SULF1: variants seen among roughly 807,000 people sequenced by gnomAD.
SULF1 encodes the protein extracellular sulfatase Sulf-1.
SULF1 carries 46 observed loss-of-function variants against 110.5 expected under a neutral mutation model. The observed-to-expected ratio is 0.42, with a 90% CI of 0.33 to 0.53. SULF1 has a LOEUF of 0.53. Among genes scored for constraint, SULF1 ranks in the 20% least tolerant of loss-of-function variants. The probability of loss-of-function intolerance (pLI) is 0.12; values close to 1 mark genes in which losing one functional copy is unlikely to be tolerated. For missense variants in SULF1, 941 were observed against 1,094.2 expected (o/e 0.86, Z 1.98); for synonymous variants, 371 against 387.1 (o/e 0.96, Z 0.49).
chr8:69,474,537 C>G (rs376894787), intron 1 of SULF1, among the ~76,000 whole-genome samples: 1 of 152,154 alleles, frequency 6.6e-6, no homozygotes, highest in Non-Finnish European at 1.5e-5. Context: ...AAAAGACAGG[C>G]CCCCTACAAA....
At chr8:69,482,510 T>C (rs1408063109) in intron 1 of SULF1, among the ~76,000 whole-genome samples, 2 of 152,038 alleles carry the variant, frequency 1.3e-5, no homozygotes, top group African/African-American at 4.8e-5. Flanking sequence ...AAGATCATGA[T>C]GTGTGCAGTT....
rs147223148 is a variant in SULF1 at position 69,621,196 on chromosome 8, C to T, written c.1539C>T (p.Ala513=). Residue 513 remains alanine (A), a synonymous_variant, in exon 14 of 23, where the codon GCC becomes GCT. Transcript: ENST00000402687. ...ECSCRESGYR[A]SRSQRKSQRQ... ...GTTGTAGGGAGTCTGGTTACCGTGC[C>T]AGCAGAAGCCAAAGAAAGAGTCAAC... 71 of 1,613,910 alleles carry T rather than the reference C, an allele frequency of 4.4e-5. No homozygotes were observed. The highest frequency in any genetic ancestry group is 3.3e-4 in the Middle Eastern group (2 of 6,082).
upstream of SULF1, among the ~76,000 whole-genome samples, chr8:69,492,264 G>C (rs1483928994): frequency 6.6e-6 from 1 of 151,872 alleles, no homozygotes; most frequent in Non-Finnish European, 1.5e-5. Context: ...GTGGACCCAG[G>C]CTCAGTGGAA....
At chr8:69,530,100 T>C (rs762000433) in intron 3 of SULF1, among the ~76,000 whole-genome samples, 4 of 152,192 alleles carry the variant, frequency 2.6e-5, no homozygotes, top group Non-Finnish European at 5.9e-5. Context: ...TCAGTTATAA[T>C]TGCAGTGGAC....
intron 5 of SULF1, among the ~76,000 whole-genome samples, chr8:69,572,057 C>G (rs1249202005): frequency 6.6e-6 from 1 of 152,196 alleles, no homozygotes; most frequent in Non-Finnish European, 1.5e-5. Context: ...CCACTGAGAC[C>G]ATTTCAGCCT....
At chr8:69,621,386 G>T in intron 14 of SULF1, 135 bp downstream of exon 14, 1 of 572,046 alleles carries the variant, frequency 1.7e-6, no homozygotes. Flanking sequence ...GCACATCATT[G>T]CTCTATTTAA....
intron 5 of SULF1, among the ~76,000 whole-genome samples, chr8:69,569,902 T>C (rs1274049500): frequency 7.2e-6 from 1 of 139,350 alleles, no homozygotes; most frequent in African/African-American, 2.6e-5. Context: ...GCCAATTCCA[T>C]AGTTTGGGTA....
chr8:69,609,131 C>T (rs1808447621), intron 13 of SULF1, among the ~76,000 whole-genome samples: 1 of 152,108 alleles, frequency 6.6e-6, no homozygotes, highest in Non-Finnish European at 1.5e-5. Flanking sequence ...TCTAAATCCC[C>T]TAAGCCCAGG....
intron 15 of SULF1, chr8:69,625,839 C>T (rs573233741): frequency 6.6e-6 from 1 of 152,592 alleles, no homozygotes; most frequent in African/African-American, 2.4e-5. Flanking sequence ...ATTCTCTTAT[C>T]TGGCCCCACC....
chr8:69,526,599 CAA>C (rs3059929), intron 3 of SULF1, among the ~76,000 whole-genome samples: 77,244 of 136,354 alleles, frequency 0.57, 21,611 homozygotes, highest in South Asian at 0.66. Context: ...GTATCTCTAC[CAA>C]AAAAAAAAAA....
At chr8:69,571,676 G>A (rs1291343184) in intron 5 of SULF1, among the ~76,000 whole-genome samples, 3 of 152,086 alleles carry the variant, frequency 2.0e-5, no homozygotes, top group Non-Finnish European at 1.5e-5. Flanking sequence ...TCCACTTATC[G>A]GACAGACATT....
chr8:69,520,193 A>G (rs568383775), intron 3 of SULF1, among the ~76,000 whole-genome samples: 9 of 152,106 alleles, frequency 5.9e-5, no homozygotes, highest in African/African-American at 2.2e-4. Context: ...CACAGGGTTC[A>G]CACAATATTG....
intron 8 of SULF1, among the ~76,000 whole-genome samples, chr8:69,589,984 T>C (rs1201551146): frequency 1.3e-5 from 2 of 152,218 alleles, no homozygotes; most frequent in Non-Finnish European, 2.9e-5. Context: ...ATCTGTTTCC[T>C]ATATTGTGAA....
At chr8:69,604,761 A>G in intron 12 of SULF1, 42 bp from the exon 13 acceptor site, 20 of 1,610,510 alleles carry the variant, frequency 1.2e-5, no homozygotes, top group Non-Finnish European at 1.6e-5. Context: ...ACCGTAATTC[A>G]GATCACTTCT....
Position 69,589,049 on chromosome 8 carries a change from C to G in SULF1, c.642C>G (p.Pro214=), listed in dbSNP as rs374058291. Residue 214 remains proline, a synonymous_variant, in exon 8 of 23, where the codon CCC becomes CCG. Transcript: ENST00000402687. The stretch of plus-strand genomic sequence containing the variant: ...CTAAGAGAATGTATCCCCATAGGCC[C>G]GTTATGATGGTGATCAGCCACGCTG... The part of the protein sequence containing the change: ...KMSKRMYPHR[P]VMMVISHAAP... 3.1e-6 allele frequency: 5 copies of G among 1,614,178 alleles called. No individual in the cohort carries two copies. The South Asian group carries it at 5.5e-5, about 18-fold the overall frequency.
At chr8:69,483,887 A>T (rs1040329076) in intron 1 of SULF1, among the ~76,000 whole-genome samples, 3 of 152,272 alleles carry the variant, frequency 2.0e-5, no homozygotes, top group African/African-American at 7.2e-5. Flanking sequence ...TAACAATAAC[A>T]GCTAAGATTT....
At chr8:69,506,489 G>A (rs887984118) in intron 3 of SULF1, among the ~76,000 whole-genome samples, 1 of 152,124 alleles carries the variant, frequency 6.6e-6, no homozygotes, top group African/African-American at 2.4e-5. Flanking sequence ...AGTCCTCAAA[G>A]CCAGTGAGCT....
chr8:69,588,223 C>T (rs755896445), intron 7 of SULF1, among the ~76,000 whole-genome samples: 2 of 152,182 alleles, frequency 1.3e-5, no homozygotes, highest in Admixed American at 6.5e-5. Flanking sequence ...ATCAGCCCCC[C>T]CTGACTGTGG....
At chr8:69,505,078 T>G (rs529270500) in intron 3 of SULF1, among the ~76,000 whole-genome samples, 6 of 152,278 alleles carry the variant, frequency 3.9e-5, no homozygotes, top group African/African-American at 1.4e-4. Context: ...AAGAGAAAGT[T>G]CAAGGAGATA....
Sources: gnomAD v4.1 joint callset for allele counts (sites outside exome capture counted in the v4.1 genomes callset) on GRCh38, gnomAD v4.1.1 for gene constraint, MANE v1.5 for transcripts, NCBI Gene and HGNC (gene_info 2026-07-23, HGNC 2026-07-21) for gene names.